The following THRAP3 variants were observed in gnomAD, a reference collection of about 807,000 sequenced individuals.
The protein encoded by THRAP3 is thyroid hormone receptor-associated protein 3.
In THRAP3, 16 loss-of-function variants were observed where a neutral mutation model predicts 101.0. The observed-to-expected ratio is 0.16, with a 90% CI of 0.11 to 0.24. The LOEUF is 0.24. THRAP3 is among the 10% of genes least tolerant of loss of function. THRAP3 has a pLI of 1.00. For synonymous variants in THRAP3, 407 were observed against 422.6 expected, an observed-to-expected ratio of 0.96 and a Z score of 0.45; for missense variants, 989 against 1,202.7, an observed-to-expected ratio of 0.82 and a Z score of 2.63.
chr1:36,289,895 A>G, intron 5 of THRAP3, 131 bp downstream of exon 5: 2 of 1,272,754 alleles, frequency 1.6e-6, no homozygotes, highest in South Asian at 1.6e-5. Context: ...TTTCATGTCC[A>G]CCTGTGTTCA....
chr1:36,304,236 G>A lies in THRAP3; in HGVS notation c.*219G>A. 1.8e-6 allele frequency: 1 copy of A among 552,650 alleles called. No individual in the cohort carries two copies. Among genetic ancestry groups the A allele is most frequent in the African/African-American group, 1.9e-5 (1 of 51,548 alleles). 34.2% of individuals were successfully genotyped at this position (552,650 alleles called of 1,614,324 possible). A position where few individuals can be genotyped will look rare whatever the true frequency, so the allele number is the denominator to read the frequency against. On this transcript the variant is annotated 3_prime_UTR_variant, in exon 12 of 12. Transcript: ENST00000354618. The stretch of plus-strand genomic sequence containing the variant: ...CCCAGGGGTCAGGCCCAGCTTTTGA[G>A]CAGAATACAACGCATTGGGCTTTAG...
rs557578810 is a variant in THRAP3, at chr1:36,236,240, C to A, written c.-135+11735C>A. Reference sequence around the variant, plus strand: ...GTCTCAAAAGAAAAAAAAAAAAAAACCTTCATGACAGACTGGGCGCAAAAA... The same window carrying A: ...GTCTCAAAAGAAAAAAAAAAAAAAAACTTCATGACAGACTGGGCGCAAAAA... On this transcript the variant is annotated intron_variant, in intron 1 of 11. Coordinates refer to ENST00000354618, the MANE Select transcript of THRAP3 (RefSeq NM_005119.4). 3.6e-3 allele frequency among the ~76,000 whole-genome samples: 314 copies of A among 86,372 alleles called. 1 individual carries two copies. Among genetic ancestry groups the A allele is most frequent in the African/African-American group, 9.2e-3 (285 of 31,034 alleles). The allele number at this position is 86,372 out of a possible 152,430, so 56.7% of individuals were successfully genotyped here.
chr1:36,299,353 C>A (rs1267360443), intron 9 of THRAP3, among the ~76,000 whole-genome samples: 1 of 151,686 alleles, frequency 6.6e-6, no homozygotes, highest in Non-Finnish European at 1.5e-5. Flanking sequence ...GCGGGAGAAT[C>A]GTTTAAACCC....
upstream of THRAP3, among the ~76,000 whole-genome samples, chr1:36,220,953 C>CAAAAAAAAAA (rs1206488922): frequency 1.2e-3 from 53 of 44,382 alleles, 4 homozygotes; most frequent in African/African-American, 6.9e-3. Context: ...GAGACTGTCT[C>CAAAAAAAAAA]AAAAAAAAAA....
the THRAP3 span, among the ~76,000 whole-genome samples, chr1:36,210,977 C>T: frequency 2.7e-5 from 4 of 150,048 alleles, no homozygotes; most frequent in Non-Finnish European, 3.0e-5. Flanking sequence ...TCTGGGGGGC[C>T]GAGGAGGGAG....
the THRAP3 span, among the ~76,000 whole-genome samples, chr1:36,213,975 A>AAG: frequency 6.0e-5 from 6 of 100,772 alleles, no homozygotes; most frequent in East Asian, 2.3e-4. Flanking sequence ...AAGAGAAAGA[A>AAG]AGAAAGAAAG....
chr1:36,251,741 T>C (rs867278207), intron 1 of THRAP3, among the ~76,000 whole-genome samples: 4 of 152,364 alleles, frequency 2.6e-5, no homozygotes, highest in Middle Eastern at 6.8e-3. Context: ...TTAACAATAT[T>C]TATTGAGTAC....
intron 1 of THRAP3, among the ~76,000 whole-genome samples, chr1:36,252,953 TATATATATATA>T (rs898529241): frequency 3.6e-5 from 5 of 139,258 alleles, no homozygotes; most frequent in Non-Finnish European, 7.8e-5. Context: ...TATATATATA[TATATATATATA>T]TATATAAATG....
In THRAP3 at chr1:36,286,565, A is replaced by G; in HGVS notation, c.335A>G (p.Gln112Arg). 6.2e-7 allele frequency: 1 copy of G among 1,614,160 alleles called. No individual in the cohort carries two copies. The highest frequency in any genetic ancestry group is 8.5e-7 in the Non-Finnish European group (1 of 1,180,024). The change falls in exon 4 of 12, where the codon CAG (glutamine) becomes CGG (arginine). Residue 112 changes from glutamine (Q) to arginine (R), a missense_variant. Transcript: ENST00000354618. This position sits in a 1 kb window ranked among gnomAD's most constrained non-coding sequence, Gnocchi z 5.5. ...TATGGAAACTACCGCTCAAATTGGC[A>G]GAATTACCGGCAAGCATACAGTCCT... is the stretch of plus-strand genomic sequence containing the variant. Reference protein sequence around the residue: ...GGYGNYRSNWQNYRQAYSPRR... With the variant: ...GGYGNYRSNWRNYRQAYSPRR...
At chr1:36,294,031 T>C (rs1449835886) in intron 8 of THRAP3, 96 bp downstream of exon 8, 1 of 1,536,440 alleles carries the variant, frequency 6.5e-7, no homozygotes, top group Non-Finnish European at 8.8e-7. Context: ...TCTACTTAAG[T>C]TTGTGTTTTT....
chr1:36,267,572 G>T (rs900410881), intron 2 of THRAP3, among the ~76,000 whole-genome samples: 41 of 152,194 alleles, frequency 2.7e-4, no homozygotes, highest in African/African-American at 8.9e-4. Context: ...AGTGAGATCA[G>T]TTCCACCCAA....
At chr1:36,297,974 G>C (rs1487792094) in intron 9 of THRAP3, among the ~76,000 whole-genome samples, 2 of 147,160 alleles carry the variant, frequency 1.4e-5, no homozygotes, top group African/African-American at 2.5e-5. Flanking sequence ...GTGAAACCCT[G>C]TCTCTACTGA....
intron 1 of THRAP3, among the ~76,000 whole-genome samples, chr1:36,229,517 C>T (rs937748043): frequency 3.3e-5 from 5 of 149,606 alleles, no homozygotes; most frequent in Non-Finnish European, 7.4e-5. Context: ...TGGTTTTGCT[C>T]ATAGTGAGGA....
At chr1:36,272,536 C>T (rs1645604806) in intron 2 of THRAP3, among the ~76,000 whole-genome samples, 1 of 152,142 alleles carries the variant, frequency 6.6e-6, no homozygotes, top group Admixed American at 6.6e-5. Context: ...AAATAGTAAA[C>T]ATGTTTCATA....
In THRAP3 at chr1:36,291,404, G is replaced by A. The variant is rs1365424917; in HGVS notation, c.1776G>A (p.Lys592=). Residue 592 remains lysine, a synonymous_variant, in exon 6 of 12, where the codon AAG becomes AAA. Coordinates refer to ENST00000354618, the MANE Select transcript of THRAP3 (RefSeq NM_005119.4). ...RPSGLLAQER[K]LCRDLVHSNK... ...GTGGCTTATTGGCTCAGGAACGCAA[G>A]CTTTGCCGAGATCTAGTCCATAGCA... is the stretch of plus-strand genomic sequence containing the variant. The A allele has an allele frequency of 6.2e-7, 1 of 1,614,072 alleles. No homozygotes were observed. The highest frequency in any genetic ancestry group is 8.5e-7 in the Non-Finnish European group (1 of 1,180,018).
intron 2 of THRAP3, among the ~76,000 whole-genome samples, chr1:36,271,466 G>A (rs1446337761): frequency 1.3e-5 from 2 of 151,762 alleles, no homozygotes; most frequent in African/African-American, 4.8e-5. Flanking sequence ...TATTTTTAGT[G>A]GAGACGGGGT....
At chr1:36,254,813 C>T (rs1054253817) in intron 1 of THRAP3, among the ~76,000 whole-genome samples, 31 of 152,104 alleles carry the variant, frequency 2.0e-4, no homozygotes, top group African/African-American at 6.3e-4. Context: ...AAAACAGAAA[C>T]CATTCTTAGC....
chr1:36,214,005 A>AG, the THRAP3 span, among the ~76,000 whole-genome samples: 61 of 41,458 alleles, frequency 1.5e-3, no homozygotes, highest in South Asian at 3.0e-3. Context: ...AAGGAAAGAA[A>AG]GAAAGAAAGA....
intron 1 of THRAP3, among the ~76,000 whole-genome samples, chr1:36,240,958 G>A (rs1229473390): frequency 6.6e-6 from 1 of 152,076 alleles, no homozygotes; most frequent in Non-Finnish European, 1.5e-5. Flanking sequence ...TGTAATCCCA[G>A]CACTTTGGGA....
Sources: gnomAD v4.1 joint callset for allele counts (sites outside exome capture counted in the v4.1 genomes callset) on GRCh38, gnomAD v4.1.1 for gene constraint, Gnocchi (gnomAD v3.1) non-coding constraint, MANE v1.5 for transcripts, NCBI Gene and HGNC (gene_info 2026-07-23, HGNC 2026-07-21) for gene names.